The following WNK1 variants were observed in gnomAD, a reference collection of about 807,000 sequenced individuals.
The protein encoded by WNK1 is WNK lysine deficient protein kinase 1, also known as serine/threonine-protein kinase WNK1.
Under a neutral mutation model 222.8 loss-of-function variants are expected in WNK1, and 38 were observed. The ratio of observed to expected loss-of-function variants is 0.17; its 90% CI spans 0.13 to 0.22. The LOEUF (loss-of-function observed/expected upper bound fraction) is 0.22, where lower values mean the gene tolerates loss of function less well. WNK1 is among the 10% of genes least tolerant of loss of function. The probability of loss-of-function intolerance (pLI) is 1.00; values close to 1 mark genes in which losing one functional copy is unlikely to be tolerated. For synonymous variants in WNK1, 1,090 were observed against 1,092.9 expected (o/e 1.00, Z 0.05); for missense variants, 2,348 against 2,918.4 (o/e 0.80, Z 4.50).
chr12:907,737 A>C (rs1955828962), intron 26 of WNK1, 110 bp from the exon 27 acceptor site: 5 of 1,310,062 alleles, frequency 3.8e-6, no homozygotes, highest in African/African-American at 1.5e-5. Context: ...TTCCCAGTTC[A>C]TCCTCTTCTC....
chr12:871,953 T>C (rs1268455199), intron 9 of WNK1, among the ~76,000 whole-genome samples: 1 of 152,160 alleles, frequency 6.6e-6, no homozygotes, highest in Non-Finnish European at 1.5e-5. Flanking sequence ...TCCTTTTCTC[T>C]TTTTTTCCAC....
chr12:761,889 A>G (rs1298468660), intron 1 of WNK1, among the ~76,000 whole-genome samples: 2 of 146,532 alleles, frequency 1.4e-5, no homozygotes, highest in Non-Finnish European at 3.0e-5. Context: ...TGAACTCTCC[A>G]TATTGCCCCT....
In WNK1 at chr12:762,529, A is replaced by G. The variant is rs1279347641; in HGVS notation, c.759+8205A>G. ...TTAGTTGAATCCATGGATGCAGAAC[A>G]TGTGGATATGGAACCTGAGGATGTG... On this transcript the variant is annotated intron_variant, in intron 1 of 27. Coordinates refer to ENST00000315939, the MANE Select transcript of WNK1 (RefSeq NM_018979.4). Among the ~76,000 whole-genome samples the G allele has an allele frequency of 3.4e-5, 5 of 147,678 alleles. 1 individual carries two copies. Among genetic ancestry groups the G allele is most frequent in the Non-Finnish European group, 7.6e-5 (5 of 66,120 alleles).
At chr12:880,696 C>T (rs1417452179) in intron 11 of WNK1, 25 bp from the exon 12 acceptor site, 2 of 1,610,506 alleles carry the variant, frequency 1.2e-6, no homozygotes, top group East Asian at 2.2e-5. Context: ...CCTGCTCTAA[C>T]TCACCTTCCT....
intron 4 of WNK1, among the ~76,000 whole-genome samples, chr12:830,980 A>G (rs141387945): frequency 1.3e-5 from 2 of 152,154 alleles, no homozygotes; most frequent in Non-Finnish European, 2.9e-5. Context: ...CATGCATGTC[A>G]GAGATTTATT....
At chr12:874,838 C>G (rs1246673364) in intron 9 of WNK1, among the ~76,000 whole-genome samples, 1 of 151,922 alleles carries the variant, frequency 6.6e-6, no homozygotes, top group Non-Finnish European at 1.5e-5. Context: ...GAATTTAAAT[C>G]CAAATAATCT....
At chr12:754,661 A>G (rs72647381) in intron 1 of WNK1, among the ~76,000 whole-genome samples, 1 of 152,128 alleles carries the variant, frequency 6.6e-6, no homozygotes, top group African/African-American at 2.4e-5. Context: ...TCTTCTGTGC[A>G]TTTCAATCTC....
At chr12:886,463 A>G (rs1953666925) in intron 19 of WNK1, among the ~76,000 whole-genome samples, 1 of 152,228 alleles carries the variant, frequency 6.6e-6, no homozygotes. Flanking sequence ...GTGAGAATGA[A>G]GCAAATTTTT....
intron 22 of WNK1, among the ~76,000 whole-genome samples, chr12:890,778 G>T (rs1954150330): frequency 6.6e-6 from 1 of 152,166 alleles, no homozygotes; most frequent in Non-Finnish European, 1.5e-5. Context: ...GGAAATTAAA[G>T]CATACTGTAT....
intron 26 of WNK1, among the ~76,000 whole-genome samples, chr12:904,066 C>A (rs894358507): frequency 2.0e-5 from 3 of 152,130 alleles, no homozygotes; most frequent in African/African-American, 7.2e-5. Context: ...TTTAACAGCC[C>A]AGCTGGAGAA....
chr12:796,872 T>C lies in WNK1; in HGVS notation c.760-16770T>C, dbSNP rs112006541. Among the ~76,000 whole-genome samples, 592 of 121,028 alleles carry C rather than the reference T, an allele frequency of 4.9e-3. 2 individuals carry two copies. Among genetic ancestry groups the C allele is most frequent in the Non-Finnish European group, 8.3e-3 (424 of 50,810 alleles). The allele number at this position is 121,028 out of a possible 152,430, so 79.4% of individuals were successfully genotyped here. Reference sequence around the variant, plus strand: ...TCTCTGTTCCACACCAATGCAAGCATGATCAATCTTATGAAGATGCAAATC... The same window carrying C: ...TCTCTGTTCCACACCAATGCAAGCACGATCAATCTTATGAAGATGCAAATC... On this transcript the variant is annotated intron_variant, in intron 1 of 27. Transcript: ENST00000315939.
In WNK1 at chr12:830,307, G is replaced by A. The variant is rs1020036245; in HGVS notation, c.1311+147G>A. On this transcript the variant is annotated intron_variant, in intron 4 of 27. Coordinates refer to ENST00000315939, the MANE Select transcript of WNK1 (RefSeq NM_018979.4). ...GGTTGGGGGGGTGGTGTTGAGGTAT[G>A]TGTAAGGCTATTGCTCATGATACAG... 4.7e-6 allele frequency: 4 copies of A among 859,440 alleles called. No individual in the cohort carries two copies. The Admixed American group carries it at 6.0e-5, about 13-fold the overall frequency. The allele number at this position is 859,440 out of a possible 1,614,324, so 53.2% of individuals were successfully genotyped here.
At chr12:800,161 A>T (rs191680008) in intron 1 of WNK1, among the ~76,000 whole-genome samples, 7 of 152,130 alleles carry the variant, frequency 4.6e-5, no homozygotes, top group South Asian at 4.1e-4. Context: ...AATTTTTTTT[A>T]AACTGAATAT....
intron 9 of WNK1, among the ~76,000 whole-genome samples, chr12:874,201 A>G (rs1391910309): frequency 6.6e-6 from 1 of 151,818 alleles, no homozygotes; most frequent in Non-Finnish European, 1.5e-5. Flanking sequence ...CCTACTATCC[A>G]TAAAGTCTGT....
rs79651879 is a variant in WNK1 at position 896,958 on chromosome 12, C to T, written c.6245+226C>T. On this transcript the variant is annotated intron_variant, in intron 24 of 27. Coordinates refer to ENST00000315939, the MANE Select transcript of WNK1 (RefSeq NM_018979.4). ...CACACACGATTCCCAACCACTGACT[C>T]ACAGGCACAGGCAGCTTCTCTTGCA... Among the ~76,000 whole-genome samples the T allele has an allele frequency of 0.04, 6,080 of 150,704 alleles. 327 individuals are homozygous for T. Among genetic ancestry groups the T allele is most frequent in the African/African-American group, 0.12 (4,798 of 40,692 alleles).
intron 17 of WNK1, 39 bp downstream of exon 17, chr12:883,870 A>T: frequency 5.0e-6 from 8 of 1,608,932 alleles, no homozygotes; most frequent in Non-Finnish European, 6.8e-6. Context: ...CCTTTGACTT[A>T]AGAAGCCATT....
chr12:795,617 G>A (rs1038041905), intron 1 of WNK1, among the ~76,000 whole-genome samples: 2 of 152,064 alleles, frequency 1.3e-5, no homozygotes, highest in African/African-American at 4.8e-5. Flanking sequence ...AGAACTGTGA[G>A]TACAGTTAAA....
rs1591888607 is a variant in WNK1, at chr12:827,922, A to T, written c.1153+660A>T. Reference sequence around the variant, plus strand: ...TCACTTCATGAAAGAAATGGAATTTATATTTAGTTTTACTTTCTAAAATTA... The same window carrying T: ...TCACTTCATGAAAGAAATGGAATTTTTATTTAGTTTTACTTTCTAAAATTA... On this transcript the variant is annotated intron_variant, in intron 3 of 27. Transcript: ENST00000315939. The surrounding 1 kb of genome is among the most constrained non-coding windows in gnomAD (Gnocchi z 4.6). Among the ~76,000 whole-genome samples, 1 of 152,298 alleles carries T rather than the reference A, an allele frequency of 6.6e-6. No homozygotes were observed. Among genetic ancestry groups the T allele is most frequent in the Middle Eastern group, 3.4e-3 (1 of 294 alleles).
rs763115863 is a variant in WNK1, at chr12:868,456, C to A, written c.2140-2809C>A. 1 of 1,613,954 alleles carries A rather than the reference C, an allele frequency of 6.2e-7. No individual in the cohort carries two copies. The highest frequency in any genetic ancestry group is 8.5e-7 in the Non-Finnish European group (1 of 1,179,876). On this transcript the variant is annotated intron_variant, in intron 8 of 27. Coordinates refer to ENST00000315939, the MANE Select transcript of WNK1 (RefSeq NM_018979.4). ...CTGGACAGGCTTTCCTGGTAGGACA[C>A]CTTCAGAATCTAAGATTAGATTCTG... is the stretch of plus-strand genomic sequence containing the variant.
Sources: gnomAD v4.1 joint callset for allele counts (sites outside exome capture counted in the v4.1 genomes callset) on GRCh38, gnomAD v4.1.1 for gene constraint, Gnocchi (gnomAD v3.1) non-coding constraint, MANE v1.5 for transcripts, NCBI Gene and HGNC (gene_info 2026-07-23, HGNC 2026-07-21) for gene names.